The following NKAIN2 variants were observed in gnomAD, a reference collection of about 807,000 sequenced individuals.
NKAIN2 encodes sodium/potassium transporting ATPase interacting 2, also known as sodium/potassium-transporting ATPase subunit beta-1-interacting protein 2.
NKAIN2 carries 14 observed loss-of-function variants against 32.6 expected under a neutral mutation model. The observed-to-expected ratio is 0.43, with a 90% CI of 0.28 to 0.67. The LOEUF is 0.67. Among genes scored for constraint, NKAIN2 ranks in the 30% least tolerant of loss-of-function variants. The pLI is 0.17. For missense variants in NKAIN2, 198 were observed against 258.3 expected, an observed-to-expected ratio of 0.77 and a Z score of 1.60; for synonymous variants, 80 against 87.2, an observed-to-expected ratio of 0.92 and a Z score of 0.46.
chr6:124,789,356 A>G (rs1268087201), intron 4 of NKAIN2, among the ~76,000 whole-genome samples: 3 of 152,126 alleles, frequency 2.0e-5, no homozygotes, highest in Non-Finnish European at 4.4e-5. Flanking sequence ...GAGGAAAACT[A>G]TTGATAAACC....
intron 3 of NKAIN2, among the ~76,000 whole-genome samples, chr6:124,420,846 G>T (rs1392199019): frequency 1.3e-5 from 2 of 151,584 alleles, no homozygotes; most frequent in African/African-American, 2.4e-5. Context: ...TAATACTCAG[G>T]ATAAAATTAT....
At chr6:123,865,192 C>T (rs1469018987) in intron 1 of NKAIN2, among the ~76,000 whole-genome samples, 3 of 151,884 alleles carry the variant, frequency 2.0e-5, no homozygotes, top group Non-Finnish European at 4.4e-5. Flanking sequence ...TATAAAAAGC[C>T]TATTGTATTA....
intron 4 of NKAIN2, among the ~76,000 whole-genome samples, chr6:124,710,811 G>C (rs1775405800): frequency 6.7e-6 from 1 of 148,424 alleles, no homozygotes; most frequent in South Asian, 2.2e-4. Context: ...CTTTTAATTG[G>C]AGCATTTAGT....
At chr6:124,652,784 A>G (rs954127014) in intron 3 of NKAIN2, among the ~76,000 whole-genome samples, 3 of 152,186 alleles carry the variant, frequency 2.0e-5, no homozygotes, top group East Asian at 3.9e-4. Flanking sequence ...ACCCACTTGC[A>G]TGATAATGAA....
At chr6:124,290,565 T>C (rs190770900) in intron 2 of NKAIN2, among the ~76,000 whole-genome samples, 4 of 150,172 alleles carry the variant, frequency 2.7e-5, no homozygotes, top group African/African-American at 9.8e-5. Context: ...TCTGTGTTGC[T>C]AATTGTTGAT....
chr6:124,573,373 C>T (rs779543850), intron 3 of NKAIN2, among the ~76,000 whole-genome samples: 11 of 151,994 alleles, frequency 7.2e-5, no homozygotes, highest in Non-Finnish European at 1.0e-4. Flanking sequence ...CCTTATTTTA[C>T]GCACCAAGAC....
At position 123,907,105 on chromosome 6, in the gene NKAIN2, G is replaced by A. The variant is rs141257151; in HGVS notation, c.54+102851G>A. On this transcript the variant is annotated intron_variant, in intron 1 of 6. Transcript: ENST00000368417. ...GAAGATGTAATATTTGACCAAATCT[G>A]CCCTTATCTGGGGTTTTATTTACTG... Among the ~76,000 whole-genome samples the A allele has an allele frequency of 5.0e-3, 757 of 152,178 alleles. 5 individuals are homozygous for A. Among genetic ancestry groups the A allele is most frequent in the African/African-American group, 0.017 (721 of 41,524 alleles).
chr6:124,184,942 C>A (rs1411640376), intron 1 of NKAIN2, among the ~76,000 whole-genome samples: 4 of 152,002 alleles, frequency 2.6e-5, no homozygotes, highest in African/African-American at 9.7e-5. Flanking sequence ...ACATAATATA[C>A]ATCTATTTCT....
intron 2 of NKAIN2, among the ~76,000 whole-genome samples, chr6:124,342,195 A>T (rs1798145779): frequency 6.6e-6 from 1 of 151,970 alleles, no homozygotes. Flanking sequence ...AGGTCAGAAG[A>T]TCGAGACCAT....
At chr6:124,703,538 T>G (rs1774903684) in intron 4 of NKAIN2, among the ~76,000 whole-genome samples, 3 of 152,000 alleles carry the variant, frequency 2.0e-5, no homozygotes, top group Middle Eastern at 3.2e-3. Flanking sequence ...CTTTTTAGTC[T>G]GTGGTACTGT....
At chr6:124,445,521 A>G (rs918295701) in intron 3 of NKAIN2, among the ~76,000 whole-genome samples, 1 of 152,092 alleles carries the variant, frequency 6.6e-6, no homozygotes, top group African/African-American at 2.4e-5. Flanking sequence ...AATCAATAAG[A>G]CTTCACACTG....
intron 1 of NKAIN2, among the ~76,000 whole-genome samples, chr6:124,262,429 A>G (rs1240681716): frequency 6.6e-6 from 1 of 152,184 alleles, no homozygotes; most frequent in Admixed American, 6.5e-5. Flanking sequence ...TCGCTGAAAA[A>G]GTTTAATAAA....
intron 1 of NKAIN2, among the ~76,000 whole-genome samples, chr6:123,852,543 G>A (rs1381322331): frequency 6.6e-6 from 1 of 152,152 alleles, no homozygotes; most frequent in East Asian, 1.9e-4. Context: ...GTATGTTGGA[G>A]GGATATCTGC....
At chr6:123,841,491 C>T (rs774757525) in intron 1 of NKAIN2, among the ~76,000 whole-genome samples, 1 of 152,186 alleles carries the variant, frequency 6.6e-6, no homozygotes, top group Non-Finnish European at 1.5e-5. Flanking sequence ...CAGACCACTG[C>T]CCTTATCACT....
At chr6:124,215,001 A>G (rs763572394) in intron 1 of NKAIN2, among the ~76,000 whole-genome samples, 1 of 152,176 alleles carries the variant, frequency 6.6e-6, no homozygotes, top group Non-Finnish European at 1.5e-5. Context: ...CAAAAATACC[A>G]AGCAAACAAA....
In NKAIN2 at chr6:124,406,795, G is replaced by T. The variant is rs77139116; in HGVS notation, c.273+51448G>T. 8.0e-3 allele frequency among the ~76,000 whole-genome samples: 1,221 copies of T among 152,158 alleles called. 14 individuals carry two copies. Among genetic ancestry groups the T allele is most frequent in the African/African-American group, 0.028 (1,162 of 41,500 alleles). On this transcript the variant is annotated intron_variant, in intron 3 of 6. Transcript: ENST00000368417. ...AATAGGCATGTAGTGCTATATAATT[G>T]TGGTTTTAATAAGTGTTTTCATTAC...
intron 2 of NKAIN2, among the ~76,000 whole-genome samples, chr6:124,353,291 G>A (rs1255617592): frequency 6.6e-6 from 1 of 152,104 alleles, no homozygotes; most frequent in Non-Finnish European, 1.5e-5. Context: ...TCAGATATAA[G>A]ACATTTCATA....
At chr6:124,139,661 A>G (rs1787039051) in intron 1 of NKAIN2, among the ~76,000 whole-genome samples, 1 of 152,196 alleles carries the variant, frequency 6.6e-6, no homozygotes, top group South Asian at 2.1e-4. Flanking sequence ...AATGCATAGA[A>G]GAATTATGAT....
intron 1 of NKAIN2, among the ~76,000 whole-genome samples, chr6:124,127,397 TG>T (rs1190525869): frequency 6.6e-6 from 1 of 152,220 alleles, no homozygotes; most frequent in Non-Finnish European, 1.5e-5. Context: ...TGCTTCATGA[TG>T]GCCTTGACTT....
Sources: gnomAD v4.1 joint callset for allele counts (sites outside exome capture counted in the v4.1 genomes callset) on GRCh38, gnomAD v4.1.1 for gene constraint, MANE v1.5 for transcripts, NCBI Gene and HGNC (gene_info 2026-07-23, HGNC 2026-07-21) for gene names.